Variants in LUZP2 observed in about 807,000 individuals in gnomAD.
LUZP2 encodes the protein leucine zipper protein 2.
LUZP2 carries 52 observed loss-of-function variants against 51.6 expected under a neutral mutation model. That is an observed-to-expected ratio of 1.01 (90% CI 0.81 to 1.27). The LOEUF is 1.27. Among genes scored for constraint, LUZP2 ranks in the 50% most tolerant of loss-of-function variants. The probability of loss-of-function intolerance (pLI) is 0.00; values close to 1 mark genes in which losing one functional copy is unlikely to be tolerated. For synonymous variants in LUZP2, 154 were observed against 137.3 expected (o/e 1.12, Z -0.85); for missense variants, 436 against 395.4 (o/e 1.10, Z -0.87).
At chr11:24,636,240 C>G (rs1393870397) in intron 1 of LUZP2, among the ~76,000 whole-genome samples, 3 of 152,088 alleles carry the variant, frequency 2.0e-5, no homozygotes, top group African/African-American at 7.2e-5. Context: ...ACAGTTTCAG[C>G]CACAGCATAT....
chr11:25,074,723 C>T (rs1241696817), intron 10 of LUZP2, among the ~76,000 whole-genome samples: 2 of 152,064 alleles, frequency 1.3e-5, no homozygotes, highest in East Asian at 3.9e-4. Flanking sequence ...TTCATAGGTA[C>T]ATTTGAATTG....
In LUZP2 at chr11:25,006,726, G is replaced by A. The variant is rs1856844765; in HGVS notation, c.765+23433G>A. 2.0e-5 allele frequency among the ~76,000 whole-genome samples: 3 copies of A among 152,168 alleles called. No homozygotes were observed. The South Asian group carries it at 6.2e-4, about 31-fold the overall frequency. ...CCATCTGGGTCACCAAAATATGTCT[G>A]GGATTGGTTCCTTCTGGTGGATTCT... is the stretch of plus-strand genomic sequence containing the variant. On this transcript the variant is annotated intron_variant, in intron 9 of 11. Coordinates refer to ENST00000336930, the MANE Select transcript of LUZP2 (RefSeq NM_001009909.4).
At chr11:25,048,100 T>A (rs1858377268) in intron 9 of LUZP2, among the ~76,000 whole-genome samples, 1 of 152,192 alleles carries the variant, frequency 6.6e-6, no homozygotes, top group African/African-American at 2.4e-5. Context: ...CCTGAGGCAC[T>A]GCACCCAGCC....
intron 9 of LUZP2, among the ~76,000 whole-genome samples, chr11:24,984,526 A>ATG: frequency 1.7e-5 from 1 of 60,480 alleles, no homozygotes; most frequent in African/African-American, 8.7e-5. Flanking sequence ...TACATATTTT[A>ATG]TATATATATA....
intron 5 of LUZP2, among the ~76,000 whole-genome samples, chr11:24,846,191 A>G (rs1265131636): frequency 6.6e-6 from 1 of 151,992 alleles, no homozygotes; most frequent in African/African-American, 2.4e-5. Context: ...ATAAAAACTC[A>G]GTTTACAAAA....
intron 10 of LUZP2, among the ~76,000 whole-genome samples, chr11:25,063,807 T>G (rs938609974): frequency 3.3e-5 from 5 of 151,970 alleles, no homozygotes; most frequent in Middle Eastern, 3.4e-3. Flanking sequence ...TATCAGGAGC[T>G]TTATTCCAGG....
At chr11:25,011,174 C>T (rs1481286515) in intron 9 of LUZP2, among the ~76,000 whole-genome samples, 1 of 152,096 alleles carries the variant, frequency 6.6e-6, no homozygotes, top group Non-Finnish European at 1.5e-5. Flanking sequence ...TTGTGACTAT[C>T]AGTGAATGCT....
intron 1 of LUZP2, among the ~76,000 whole-genome samples, chr11:24,615,174 C>G (rs949778313): frequency 6.6e-6 from 1 of 151,754 alleles, no homozygotes; most frequent in Non-Finnish European, 1.5e-5. Flanking sequence ...TACCTTCACC[C>G]AGTTTCTCTA....
At chr11:24,708,920 C>T (rs975459243) in intron 1 of LUZP2, among the ~76,000 whole-genome samples, 24 of 152,286 alleles carry the variant, frequency 1.6e-4, no homozygotes, top group African/African-American at 5.5e-4. Context: ...AGCTGGTCCA[C>T]AGCCCAGCTC....
At chr11:24,834,695 A>C (rs1486815531) in intron 5 of LUZP2, among the ~76,000 whole-genome samples, 1 of 101,732 alleles carries the variant, frequency 9.8e-6, no homozygotes, top group South Asian at 3.5e-4. Context: ...GGTTGAACTA[A>C]TTTGCACTCC....
At chr11:24,566,396 A>G (rs1852220811) in intron 1 of LUZP2, among the ~76,000 whole-genome samples, 2 of 145,332 alleles carry the variant, frequency 1.4e-5, no homozygotes, top group African/African-American at 5.1e-5. Flanking sequence ...GTGGCGTGAT[A>G]CGGCTTACCA....
At chr11:24,964,322 G>A (rs925743418) in intron 7 of LUZP2, among the ~76,000 whole-genome samples, 17 of 152,140 alleles carry the variant, frequency 1.1e-4, no homozygotes, top group African/African-American at 4.1e-4. Flanking sequence ...AAGAGGCTGA[G>A]AAAATGAGAA....
chr11:25,047,807 A>G (rs955003183), intron 9 of LUZP2, among the ~76,000 whole-genome samples: 1 of 152,070 alleles, frequency 6.6e-6, no homozygotes, highest in African/African-American at 2.4e-5. Context: ...CTCTGATTTG[A>G]AATATCCAAG....
rs56234614 is a variant in LUZP2 at position 24,747,741 on chromosome 11, G to A, written c.333+9439G>A. ...GGGTGGGTCTTGCTGTGGCTGTTGT[G>A]GGGGATGGGGATGAGGTTCCCAGGT... On this transcript the variant is annotated intron_variant, in intron 4 of 11. Coordinates refer to ENST00000336930, the MANE Select transcript of LUZP2 (RefSeq NM_001009909.4). Among the ~76,000 whole-genome samples the A allele has an allele frequency of 3.2e-4, 48 of 152,186 alleles. 1 individual carries two copies. Among genetic ancestry groups the A allele is most frequent in the Admixed American group, 1.2e-3 (18 of 15,278 alleles).
chr11:24,977,180 T>A (rs1855903315), intron 8 of LUZP2, among the ~76,000 whole-genome samples: 1 of 151,718 alleles, frequency 6.6e-6, no homozygotes, highest in Non-Finnish European at 1.5e-5. Context: ...TACTGTAAGA[T>A]AATTAATGCA....
At chr11:24,691,280 A>G (rs1857057481) in intron 1 of LUZP2, among the ~76,000 whole-genome samples, 1 of 152,030 alleles carries the variant, frequency 6.6e-6, no homozygotes. Context: ...ACCTCACAAA[A>G]TTAGTGTTCC....
At chr11:24,642,889 T>A (rs1304492288) in intron 1 of LUZP2, among the ~76,000 whole-genome samples, 2 of 152,126 alleles carry the variant, frequency 1.3e-5, no homozygotes, top group Non-Finnish European at 2.9e-5. Flanking sequence ...TGGAGACAGC[T>A]CAGGATGATC....
chr11:25,074,781 T>TA lies in LUZP2; in HGVS notation c.859-2547dup, dbSNP rs548548705. ...AAACCCCATATTTATAGGACAGAAT[T>TA]ATCACCCTGGTGTGTTTTTTTAGCA... is the stretch of plus-strand genomic sequence containing the variant. On this transcript the variant is annotated intron_variant, in intron 10 of 11. Transcript: ENST00000336930. Among the ~76,000 whole-genome samples the TA allele has an allele frequency of 5.4e-3, 816 of 152,240 alleles. 8 individuals carry two copies. The highest frequency in any genetic ancestry group is 0.019 in the African/African-American group (776 of 41,550).
At chr11:24,699,186 C>G (rs1298156627) in intron 1 of LUZP2, among the ~76,000 whole-genome samples, 1 of 151,716 alleles carries the variant, frequency 6.6e-6, no homozygotes. Flanking sequence ...AGCTTTGTCC[C>G]CGTAAGATTT....
Sources: allele counts gnomAD v4.1 joint callset (sites outside exome capture counted in the v4.1 genomes callset), GRCh38; gene constraint gnomAD v4.1.1; transcripts MANE v1.5; gene names NCBI Gene and HGNC (gene_info 2026-07-23, HGNC 2026-07-21).